The following GAS6 variants were observed in gnomAD, a reference collection of about 807,000 sequenced individuals.
GAS6 encodes growth arrest-specific protein 6.
In GAS6, 41 loss-of-function variants were observed where a neutral mutation model predicts 75.8. The ratio of observed to expected loss-of-function variants is 0.54; its 90% CI spans 0.42 to 0.70. The LOEUF (loss-of-function observed/expected upper bound fraction) is 0.70, where lower values mean the gene tolerates loss of function less well. GAS6 is among the 30% of genes least tolerant of loss of function. The pLI, the probability that GAS6 is intolerant of heterozygous loss-of-function variation, is 0.00. For synonymous variants in GAS6, 432 were observed against 412.6 expected (o/e 1.05, Z -0.57); for missense variants, 854 against 940.2 (o/e 0.91, Z 1.20).
chr13:113,848,150 G>T lies in GAS6; in HGVS notation c.256-100C>A. On this transcript the variant is annotated intron_variant, in intron 2 of 14. Transcript: ENST00000327773. The surrounding 1 kb of genome is among the most constrained non-coding windows in gnomAD (Gnocchi z 4.8). ...CTGGTTAATCAGAGGCTGCTCTCGG[G>T]GCAGCCAGAGGGCCGCCCCACCCGG... The T allele has an allele frequency of 7.7e-7, 1 of 1,295,846 alleles. No individual in the cohort carries two copies. The highest frequency in any genetic ancestry group is 1.5e-5 in the African/African-American group (1 of 66,878). 80.3% of individuals were successfully genotyped at this position (1,295,846 alleles called of 1,614,324 possible). A position where few individuals can be genotyped will look rare whatever the true frequency, so the allele number is the denominator to read the frequency against.
At chr13:113,833,197 T>C in intron 8 of GAS6, 1 of 1,110,162 alleles carries the variant, frequency 9.0e-7, no homozygotes, top group Non-Finnish European at 1.1e-6. Flanking sequence ...CGGTGTGAGC[T>C]GACACCCCTG....
intron 2 of GAS6, among the ~76,000 whole-genome samples, chr13:113,858,656 TAC>T (rs2051936559): frequency 7.7e-6 from 1 of 130,258 alleles, no homozygotes; most frequent in Admixed American, 8.2e-5. Flanking sequence ...ACTGTATGTG[TAC>T]ATGTCTGTGT....
chr13:113,835,834 A>G (rs2051696244), intron 6 of GAS6, 199 bp from the exon 7 acceptor site: 5 of 1,370,158 alleles, frequency 3.6e-6, no homozygotes, highest in Non-Finnish European at 4.7e-6. Context: ...GCTTCTGATC[A>G]AGGCCCGGCT....
At chr13:113,846,845 C>A in intron 3 of GAS6, 1 of 531,414 alleles carries the variant, frequency 1.9e-6, no homozygotes, top group Non-Finnish European at 3.4e-6. Context: ...CCCGCCGTTT[C>A]GAGGGGGCTC....
rs1566356866 is a variant in GAS6 at position 113,828,642 on chromosome 13, C to T, written c.1213G>A (p.Val405Met). The T allele has an allele frequency of 1.2e-6, 2 of 1,613,634 alleles. No homozygotes were observed. The highest frequency in any genetic ancestry group is 2.2e-5 in the South Asian group (2 of 91,080). ...VNRDAVMKIAVAGDLFQPERG... is the reference protein window; with the variant it reads ...VNRDAVMKIAMAGDLFQPERG... ...TCCGGTTGGAACAAGTCCCCGGCCA[C>T]CGCGATTTTCATGACAGCATCCCTG... Residue 405 changes from valine to methionine, a missense_variant, in exon 11 of 15, where the codon GTG (valine) becomes ATG (methionine). Physicochemically the swap from Val to Met is conservative, Grantham distance 21. Transcript: ENST00000327773.
intron 14 of GAS6, chr13:113,821,458 C>T (rs1161896699): frequency 2.1e-5 from 5 of 233,296 alleles, no homozygotes; most frequent in African/African-American, 4.4e-5. Context: ...CCGGCTCCCA[C>T]GTGCCTTTCC....
At chr13:113,862,419 A>G (rs2051979129) in intron 2 of GAS6, among the ~76,000 whole-genome samples, 1 of 152,218 alleles carries the variant, frequency 6.6e-6, no homozygotes, top group African/African-American at 2.4e-5. Context: ...CCGAGCGACC[A>G]GGGCACACAG....
intron 2 of GAS6, among the ~76,000 whole-genome samples, chr13:113,850,261 C>G (rs1007862144): frequency 1.3e-5 from 2 of 152,094 alleles, no homozygotes; most frequent in African/African-American, 4.8e-5. Context: ...GGCCTGAAGC[C>G]CTGCATTAGC....
chr13:113,823,565 G>A lies in GAS6; in HGVS notation c.1478-15C>T. 6.2e-7 allele frequency: 1 copy of A among 1,603,750 alleles called. No homozygotes were observed. The highest frequency in any genetic ancestry group is 8.5e-7 in the Non-Finnish European group (1 of 1,173,934). On this transcript the variant is annotated splice_polypyrimidine_tract_variant and intron_variant, in intron 12 of 14. Coordinates refer to ENST00000327773, the MANE Select transcript of GAS6 (RefSeq NM_000820.4). ...AGGGGTCCGCACTGCAATGAAAGCG[G>A]TGCATTATAGGGTGGTATGCACGGT...
At chr13:113,861,447 C>A (rs1316895461) in intron 2 of GAS6, among the ~76,000 whole-genome samples, 1 of 152,228 alleles carries the variant, frequency 6.6e-6, no homozygotes, top group Admixed American at 6.5e-5. Flanking sequence ...AGGCCACAGC[C>A]CTTTTCCTCA....
In GAS6 at chr13:113,820,829, CAG is replaced by C. The variant is rs1014830912; in HGVS notation, c.*33_*34del. 3 of 1,598,510 alleles carry C rather than the reference CAG, an allele frequency of 1.9e-6. No individual in the cohort carries two copies. The highest frequency in any genetic ancestry group is 2.6e-6 in the Non-Finnish European group (3 of 1,175,440). On this transcript the variant is annotated 3_prime_UTR_variant, in exon 15 of 15. Transcript: ENST00000327773. ...CCAGGCTCCTCCCGGCTGTCTCGGA[CAG>C]AGACTGAGAAGCCTGCCGCGTCCCG...
chr13:113,860,821 A>G (rs756811812), intron 2 of GAS6, among the ~76,000 whole-genome samples: 1 of 152,132 alleles, frequency 6.6e-6, no homozygotes, highest in Non-Finnish European at 1.5e-5. Flanking sequence ...ACAGGGCTTG[A>G]AACCACAGGT....
intron 13 of GAS6, 185 bp from the exon 14 acceptor site, chr13:113,822,371 C>T: frequency 4.0e-6 from 2 of 501,950 alleles, no homozygotes; most frequent in East Asian, 3.3e-5. Context: ...ACCTGGGGCT[C>T]AGCTTCTCTG....
intron 2 of GAS6, among the ~76,000 whole-genome samples, chr13:113,852,998 T>C (rs1364985154): frequency 2.0e-5 from 3 of 152,182 alleles, no homozygotes; most frequent in Non-Finnish European, 4.4e-5. Flanking sequence ...GGGGGGACTC[T>C]TCCCCTAGGC....
intron 12 of GAS6, among the ~76,000 whole-genome samples, chr13:113,826,386 G>A (rs1159627837): frequency 6.8e-6 from 1 of 147,756 alleles, no homozygotes; most frequent in African/African-American, 2.6e-5. Flanking sequence ...AGCCTCCCCG[G>A]CCTCGCAGGC....
At chr13:113,847,933 G>T in intron 3 of GAS6, 93 bp downstream of exon 3, 1 of 1,155,686 alleles carries the variant, frequency 8.7e-7, no homozygotes, top group Non-Finnish European at 1.3e-6. Context: ...TTCCTTCCAA[G>T]AGTTACGTGG....
In GAS6 at chr13:113,846,519, C is replaced by A. The variant is rs184642057; in HGVS notation, c.343+8G>T. On this transcript the variant is annotated splice_region_variant and intron_variant, in intron 4 of 14. Coordinates refer to ENST00000327773, the MANE Select transcript of GAS6 (RefSeq NM_000820.4). ...GCTCCCAGGAAGGCGCAAAGGAGGCCGACTTACTTTGCACGCAGGTGGCGA... is the reference window on the plus strand; with the variant it reads ...GCTCCCAGGAAGGCGCAAAGGAGGCAGACTTACTTTGCACGCAGGTGGCGA... The A allele has an allele frequency of 5.0e-6, 8 of 1,613,864 alleles. No homozygotes were observed. Among genetic ancestry groups the A allele is most frequent in the Non-Finnish European group, 6.8e-6 (8 of 1,179,862 alleles).
At chr13:113,857,862 A>G (rs2051926746) in intron 2 of GAS6, among the ~76,000 whole-genome samples, 1 of 152,190 alleles carries the variant, frequency 6.6e-6, no homozygotes, top group African/African-American at 2.4e-5. Flanking sequence ...GCCCCGGAGG[A>G]GCCTGGCACC....
At chr13:113,851,831 T>C (rs976339367) in intron 2 of GAS6, among the ~76,000 whole-genome samples, 2 of 152,268 alleles carry the variant, frequency 1.3e-5, no homozygotes, top group African/African-American at 2.4e-5. Flanking sequence ...AATATGGAAG[T>C]GTTTGTGCTG....
Sources: gnomAD v4.1 joint callset for allele counts (sites outside exome capture counted in the v4.1 genomes callset) on GRCh38, gnomAD v4.1.1 for gene constraint, Gnocchi (gnomAD v3.1) non-coding constraint, MANE v1.5 for transcripts, NCBI Gene and HGNC (gene_info 2026-07-23, HGNC 2026-07-21) for gene names.